Variants in LRRTM4 observed in about 807,000 individuals in gnomAD.
The protein encoded by LRRTM4 is leucine-rich repeat transmembrane neuronal protein 4.
In LRRTM4, 25 loss-of-function variants were observed where a neutral mutation model predicts 47.6. That is an observed-to-expected ratio of 0.53 (90% CI 0.38 to 0.73). The LOEUF is 0.73. LRRTM4 is among the 30% of genes least tolerant of loss of function. LRRTM4 has a pLI of 0.00. For synonymous variants in LRRTM4, 311 were observed against 269.5 expected (o/e 1.15, Z -1.51); for missense variants, 638 against 713.4 (o/e 0.89, Z 1.20).
intron 3 of LRRTM4, among the ~76,000 whole-genome samples, chr2:77,399,804 T>G (rs1447147276): frequency 6.6e-6 from 1 of 151,856 alleles, no homozygotes; most frequent in Non-Finnish European, 1.5e-5. Flanking sequence ...TAACACACAC[T>G]AACTTTGAAA....
At chr2:76,815,645 C>G (rs1340162186) in intron 3 of LRRTM4, among the ~76,000 whole-genome samples, 1 of 152,022 alleles carries the variant, frequency 6.6e-6, no homozygotes, top group Non-Finnish European at 1.5e-5. Flanking sequence ...GTTTTGAAGA[C>G]TGCAAAAAGT....
intron 3 of LRRTM4, among the ~76,000 whole-genome samples, chr2:76,781,171 A>C (rs984165774): frequency 6.6e-6 from 1 of 152,252 alleles, no homozygotes; most frequent in Admixed American, 6.5e-5. Flanking sequence ...TCAGACAGGG[A>C]CATTTAAGTC....
chr2:77,515,416 C>T (rs1437285727), intron 3 of LRRTM4, among the ~76,000 whole-genome samples: 2 of 151,646 alleles, frequency 1.3e-5, no homozygotes, highest in African/African-American at 2.4e-5. Context: ...AAGAAACAAG[C>T]AAAATGGATA....
intron 3 of LRRTM4, among the ~76,000 whole-genome samples, chr2:76,908,008 C>T (rs1266457666): frequency 3.3e-5 from 5 of 151,898 alleles, no homozygotes; most frequent in African/African-American, 9.7e-5. Flanking sequence ...CCAGCATCAT[C>T]CTGATACCAA....
rs370198932 is a variant in LRRTM4 at position 76,991,827 on chromosome 2, A to T, written c.1552-242911T>A. 5.3e-5 allele frequency among the ~76,000 whole-genome samples: 8 copies of T among 151,924 alleles called. No individual in the cohort carries two copies. The East Asian group carries it at 1.4e-3, about 26-fold the overall frequency. ...TGATAATAAAACCAGGCACAAACAC[A>T]ACAAAAAAAGAAAACTCAAAGCCAA... On this transcript the variant is annotated intron_variant, in intron 3 of 3. Coordinates refer to ENST00000409884, the MANE Select transcript of LRRTM4 (RefSeq NM_001134745.3).
chr2:77,339,124 A>G (rs1188123527), intron 3 of LRRTM4, among the ~76,000 whole-genome samples: 1 of 146,320 alleles, frequency 6.8e-6, no homozygotes, highest in Non-Finnish European at 1.5e-5. Flanking sequence ...AACAAGGGTT[A>G]AAAAAAAACC....
chr2:76,910,534 T>A (rs558176435), intron 3 of LRRTM4, among the ~76,000 whole-genome samples: 44 of 152,250 alleles, frequency 2.9e-4, no homozygotes, highest in African/African-American at 1.0e-3. Flanking sequence ...TATAGCACCA[T>A]TATTACGAAG....
intron 3 of LRRTM4, among the ~76,000 whole-genome samples, chr2:77,192,978 A>T (rs1420154561): frequency 6.6e-6 from 1 of 152,166 alleles, no homozygotes; most frequent in Non-Finnish European, 1.5e-5. Flanking sequence ...CATATGCTGC[A>T]TAAGGACGTT....
intron 3 of LRRTM4, among the ~76,000 whole-genome samples, chr2:76,893,442 A>C (rs1017615270): frequency 6.6e-6 from 1 of 151,710 alleles, no homozygotes; most frequent in African/African-American, 2.4e-5. Flanking sequence ...TAATAACTAA[A>C]TAAATAATAA....
At chr2:76,878,237 T>C (rs187609310) in intron 3 of LRRTM4, among the ~76,000 whole-genome samples, 1 of 152,230 alleles carries the variant, frequency 6.6e-6, no homozygotes, top group Non-Finnish European at 1.5e-5. Context: ...AATTGATAAA[T>C]GTTATATGTA....
chr2:76,995,577 CCT>C (rs558850097), intron 3 of LRRTM4, among the ~76,000 whole-genome samples: 3 of 152,002 alleles, frequency 2.0e-5, no homozygotes, highest in South Asian at 2.1e-4. Flanking sequence ...AATAAATTCC[CCT>C]GTTAGTCACA....
At chr2:76,843,852 C>T (rs913437996) in intron 3 of LRRTM4, among the ~76,000 whole-genome samples, 40 of 151,228 alleles carry the variant, frequency 2.6e-4, no homozygotes, top group Non-Finnish European at 1.0e-4. Context: ...AATACTAGGC[C>T]TTTTTGTCTC....
At chr2:76,788,111 G>C (rs763353416) in intron 3 of LRRTM4, among the ~76,000 whole-genome samples, 1 of 152,240 alleles carries the variant, frequency 6.6e-6, no homozygotes, top group Admixed American at 6.5e-5. Flanking sequence ...TTAGTGCTCT[G>C]ATACAATCAT....
chr2:77,008,117 A>T (rs377569469), intron 3 of LRRTM4, among the ~76,000 whole-genome samples: 1 of 152,306 alleles, frequency 6.6e-6, no homozygotes, highest in South Asian at 2.1e-4. Context: ...AGAGGCATCA[A>T]TGAAAGAGAC....
chr2:77,045,075 G>T (rs372731122), intron 3 of LRRTM4, among the ~76,000 whole-genome samples: 2 of 151,828 alleles, frequency 1.3e-5, no homozygotes, highest in Admixed American at 1.3e-4. Context: ...TTTACATAAA[G>T]AGGTAATATG....
intron 3 of LRRTM4, among the ~76,000 whole-genome samples, chr2:77,260,542 A>G (rs969807406): frequency 6.6e-6 from 1 of 152,054 alleles, no homozygotes; most frequent in South Asian, 2.1e-4. Flanking sequence ...CCTAATAGCT[A>G]TTAACTACCA....
intron 3 of LRRTM4, among the ~76,000 whole-genome samples, chr2:77,408,476 G>A (rs1052475636): frequency 2.6e-5 from 4 of 152,174 alleles, no homozygotes; most frequent in African/African-American, 4.8e-5. Flanking sequence ...TCACCTATCT[G>A]TTAAGTGTAG....
At chr2:77,167,978 C>T (rs149001637) in intron 3 of LRRTM4, among the ~76,000 whole-genome samples, 2,886 of 151,986 alleles carry the variant, frequency 0.019, 120 homozygotes, top group East Asian at 0.18. Context: ...AGTTCTTCTA[C>T]CAGTAAAATT....
At chr2:77,362,178 G>GAAGA (rs1672268156) in intron 3 of LRRTM4, among the ~76,000 whole-genome samples, 3 of 108,772 alleles carry the variant, frequency 2.8e-5, no homozygotes, top group Non-Finnish European at 5.8e-5. Flanking sequence ...AGAAAGGAAG[G>GAAGA]AAGGAAGAGT....
Sources: gnomAD v4.1 joint callset for allele counts (sites outside exome capture counted in the v4.1 genomes callset) on GRCh38, gnomAD v4.1.1 for gene constraint, MANE v1.5 for transcripts, NCBI Gene and HGNC (gene_info 2026-07-23, HGNC 2026-07-21) for gene names.